The following PXDNL variants were observed in gnomAD, a reference collection of about 807,000 sequenced individuals.
The protein encoded by PXDNL is probable oxidoreductase PXDNL.
Under a neutral mutation model 150.8 loss-of-function variants are expected in PXDNL, and 145 were observed. That is an observed-to-expected ratio of 0.96 (90% CI 0.84 to 1.10). The LOEUF is 1.10. Ranked by LOEUF, PXDNL falls within the 50% of genes least tolerant of loss-of-function variation. PXDNL has a pLI of 0.00. For synonymous variants in PXDNL, 757 were observed against 725.7 expected (o/e 1.04, Z -0.69); for missense variants, 2,087 against 1,873.9 (o/e 1.11, Z -2.10).
At chr8:51,782,900 G>C (rs2037428343) in intron 1 of PXDNL, among the ~76,000 whole-genome samples, 2 of 152,086 alleles carry the variant, frequency 1.3e-5, no homozygotes, top group Admixed American at 1.3e-4. Flanking sequence ...CATTCCCTCT[G>C]TATTCAATTT....
intron 1 of PXDNL, among the ~76,000 whole-genome samples, chr8:51,756,879 C>T (rs1181446037): frequency 6.6e-6 from 1 of 152,004 alleles, no homozygotes; most frequent in Non-Finnish European, 1.5e-5. Flanking sequence ...ACTATCCACT[C>T]TTCTCAAGAA....
At chr8:51,764,701 A>C (rs1308169352) in intron 1 of PXDNL, among the ~76,000 whole-genome samples, 1 of 152,104 alleles carries the variant, frequency 6.6e-6, no homozygotes, top group African/African-American at 2.4e-5. Context: ...TTTTTAATTT[A>C]GTGAGGCTTG....
intron 1 of PXDNL, among the ~76,000 whole-genome samples, chr8:51,679,505 T>C (rs907303426): frequency 1.3e-5 from 2 of 152,196 alleles, no homozygotes; most frequent in African/African-American, 2.4e-5. Flanking sequence ...GTGGAGAATA[T>C]AGAGATTGCT....
intron 4 of PXDNL, among the ~76,000 whole-genome samples, chr8:51,534,197 G>A (rs2130447077): frequency 7.1e-6 from 1 of 140,202 alleles, no homozygotes; most frequent in Admixed American, 6.7e-5. Context: ...GAGGTGAGGA[G>A]CGTCTCTGCC....
intron 1 of PXDNL, among the ~76,000 whole-genome samples, chr8:51,681,061 G>A (rs1815739940): frequency 6.6e-6 from 1 of 152,132 alleles, no homozygotes; most frequent in Non-Finnish European, 1.5e-5. Flanking sequence ...AGAGCCAGAA[G>A]GGGATCTTAA....
At chr8:51,376,839 C>T (rs1231469750) in intron 17 of PXDNL, among the ~76,000 whole-genome samples, 1 of 151,830 alleles carries the variant, frequency 6.6e-6, no homozygotes, top group Non-Finnish European at 1.5e-5. Context: ...CTGCCTCAGC[C>T]TCCCGAGTAG....
chr8:51,353,900 C>T (rs1806427042), intron 19 of PXDNL, among the ~76,000 whole-genome samples: 2 of 152,094 alleles, frequency 1.3e-5, no homozygotes, highest in Non-Finnish European at 1.5e-5. Context: ...TTGATGTATG[C>T]TTTTATATGT....
At chr8:51,453,445 A>G in intron 10 of PXDNL, 74 bp downstream of exon 10, 2 of 1,436,652 alleles carry the variant, frequency 1.4e-6, no homozygotes, top group Non-Finnish European at 1.9e-6. Context: ...TGTACATGAC[A>G]TTATTTAAGT....
At chr8:51,516,722 A>G (rs1271498081) in intron 4 of PXDNL, among the ~76,000 whole-genome samples, 1 of 152,180 alleles carries the variant, frequency 6.6e-6, no homozygotes, top group Non-Finnish European at 1.5e-5. Context: ...CATTGGCTAC[A>G]TCGTAAATCA....
intron 10 of PXDNL, among the ~76,000 whole-genome samples, chr8:51,450,234 T>C (rs1336444314): frequency 1.3e-5 from 2 of 152,244 alleles, no homozygotes; most frequent in Non-Finnish European, 2.9e-5. Context: ...CAGGGGTCAC[T>C]GTCATCGCCA....
intron 1 of PXDNL, among the ~76,000 whole-genome samples, chr8:51,731,641 C>T (rs189713258): frequency 1.3e-5 from 2 of 152,350 alleles, no homozygotes; most frequent in Non-Finnish European, 2.9e-5. Context: ...CATTAGGGCT[C>T]TGCCCTGCAG....
At chr8:51,439,824 CA>C (rs36102488) in intron 12 of PXDNL, among the ~76,000 whole-genome samples, 1,543 of 101,508 alleles carry the variant, frequency 0.015, 21 homozygotes, top group African/African-American at 0.058. Flanking sequence ...GACTCCATCT[CA>C]AAAAAAAAAA....
chr8:51,358,000 G>A (rs1477812005), intron 19 of PXDNL, among the ~76,000 whole-genome samples: 3 of 152,158 alleles, frequency 2.0e-5, no homozygotes, highest in Non-Finnish European at 4.4e-5. Flanking sequence ...GATGGAAGGT[G>A]TCTGTTTAGT....
chr8:51,404,233 A>G (rs188461639), intron 17 of PXDNL, among the ~76,000 whole-genome samples: 2 of 152,242 alleles, frequency 1.3e-5, no homozygotes, highest in African/African-American at 4.8e-5. Flanking sequence ...CACTGTCGAA[A>G]GAGACCGGAG....
At position 51,662,264 on chromosome 8, in the gene PXDNL, A is replaced by G. The variant is rs184679617; in HGVS notation, c.165-7504T>C. Reference sequence around the variant, plus strand: ...GCCGGGCATGGTGGCTCATACCTATAATCCCAGCACTTTGGGAGGCTGAGG... The same window carrying G: ...GCCGGGCATGGTGGCTCATACCTATGATCCCAGCACTTTGGGAGGCTGAGG... On this transcript the variant is annotated intron_variant, in intron 1 of 22. Transcript: ENST00000356297. Among the ~76,000 whole-genome samples, 7 of 152,340 alleles carry G rather than the reference A, an allele frequency of 4.6e-5. No homozygotes were observed. The East Asian group carries it at 1.4e-3, about 29-fold the overall frequency.
chr8:51,459,926 C>T (rs1413933290), intron 8 of PXDNL, among the ~76,000 whole-genome samples: 1 of 152,094 alleles, frequency 6.6e-6, no homozygotes, highest in Non-Finnish European at 1.5e-5. Context: ...GAAATATTGA[C>T]AAACAAGTTA....
chr8:51,629,651 G>A (rs1011124355), intron 2 of PXDNL, among the ~76,000 whole-genome samples: 1 of 152,058 alleles, frequency 6.6e-6, no homozygotes. Flanking sequence ...CCAAAAACAA[G>A]AGCATGTTTA....
intron 2 of PXDNL, among the ~76,000 whole-genome samples, chr8:51,640,732 A>T (rs1281378648): frequency 6.6e-6 from 1 of 152,332 alleles, no homozygotes; most frequent in East Asian, 1.9e-4. Flanking sequence ...AGAACATTCC[A>T]TGCTCATGGG....
At chr8:51,701,856 G>A (rs1816265035) in intron 1 of PXDNL, among the ~76,000 whole-genome samples, 1 of 152,106 alleles carries the variant, frequency 6.6e-6, no homozygotes. Context: ...AAGTCCAGTG[G>A]TTCTTGGATG....
Sources: gnomAD v4.1 joint callset for allele counts (sites outside exome capture counted in the v4.1 genomes callset) on GRCh38, gnomAD v4.1.1 for gene constraint, MANE v1.5 for transcripts, NCBI Gene and HGNC (gene_info 2026-07-23, HGNC 2026-07-21) for gene names.